GAREM1: variants seen among roughly 807,000 people sequenced by gnomAD.
GAREM1 encodes the protein GRB2 associated regulator of MAPK1 subtype 1.
In GAREM1, 26 loss-of-function variants were observed where a neutral mutation model predicts 71.3. The ratio of observed to expected loss-of-function variants is 0.36; its 90% confidence interval spans 0.27 to 0.51. The LOEUF is 0.51. Ranked by LOEUF, GAREM1 falls within the 20% of genes least tolerant of loss-of-function variation. GAREM1 has a pLI of 0.95. For synonymous variants in GAREM1, 440 were observed against 433.2 expected (o/e 1.02, Z -0.20); for missense variants, 1,026 against 1,103.1 (o/e 0.93, Z 0.99).
chr18:32,304,997 T>C (rs554122325), intron 3 of GAREM1, among the ~76,000 whole-genome samples: 18 of 151,874 alleles, frequency 1.2e-4, no homozygotes, highest in Non-Finnish European at 2.5e-4. Flanking sequence ...AGAAGAAACA[T>C]GGTTGATGAA....
chr18:32,464,010 G>A (rs2048976356), intron 1 of GAREM1, among the ~76,000 whole-genome samples: 1 of 150,386 alleles, frequency 6.6e-6, no homozygotes, highest in African/African-American at 2.4e-5. Flanking sequence ...AAAAAAGGCT[G>A]GGCGTGGTGG....
intron 5 of GAREM1, among the ~76,000 whole-genome samples, chr18:32,269,431 G>A (rs1425411038): frequency 6.6e-6 from 1 of 152,238 alleles, no homozygotes; most frequent in Non-Finnish European, 1.5e-5. Flanking sequence ...TGAAACTAGA[G>A]TGTGCTCAAA....
chr18:32,324,200 G>T (rs891069936), intron 2 of GAREM1, among the ~76,000 whole-genome samples: 1 of 152,158 alleles, frequency 6.6e-6, no homozygotes, highest in Non-Finnish European at 1.5e-5. Flanking sequence ...CAGTACTATG[G>T]TGCTTATGCT....
chr18:32,468,229 T>A (rs971077507), intron 1 of GAREM1, among the ~76,000 whole-genome samples: 6 of 152,232 alleles, frequency 3.9e-5, no homozygotes, highest in South Asian at 2.1e-4. Context: ...ATTCATTACA[T>A]CACAATTTTT....
At chr18:32,453,490 T>C (rs1256873063) in intron 1 of GAREM1, among the ~76,000 whole-genome samples, 1 of 152,254 alleles carries the variant, frequency 6.6e-6, no homozygotes, top group South Asian at 2.1e-4. Flanking sequence ...AGAGATTCTG[T>C]TCCCTGCCTC....
chr18:32,423,699 C>T (rs1381376465), intron 1 of GAREM1, among the ~76,000 whole-genome samples: 1 of 152,166 alleles, frequency 6.6e-6, no homozygotes, highest in South Asian at 2.1e-4. Context: ...GTCAGTGAGG[C>T]GCAGAATCTT....
At chr18:32,320,594 C>T (rs1285535436) in intron 2 of GAREM1, among the ~76,000 whole-genome samples, 1 of 152,120 alleles carries the variant, frequency 6.6e-6, no homozygotes, top group Admixed American at 6.5e-5. Context: ...TAATGAACTG[C>T]ACCATAGATA....
chr18:32,392,037 A>G (rs1253787525), intron 2 of GAREM1, among the ~76,000 whole-genome samples: 1 of 152,146 alleles, frequency 6.6e-6, no homozygotes, highest in Non-Finnish European at 1.5e-5. Context: ...GTGCATTGTA[A>G]AGGGGTTATT....
At chr18:32,463,575 T>C (rs1351242518) in intron 1 of GAREM1, among the ~76,000 whole-genome samples, 1 of 151,004 alleles carries the variant, frequency 6.6e-6, no homozygotes, top group Non-Finnish European at 1.5e-5. Context: ...TCACTTTTTT[T>C]TTTTTTTTTT....
chr18:32,342,188 T>C (rs978391690), intron 2 of GAREM1, among the ~76,000 whole-genome samples: 2 of 152,148 alleles, frequency 1.3e-5, no homozygotes, highest in African/African-American at 4.8e-5. Flanking sequence ...ATCTTCACTT[T>C]ACACATGAAG....
intron 2 of GAREM1, among the ~76,000 whole-genome samples, chr18:32,334,222 A>T (rs595794): frequency 0.095 from 14,452 of 152,190 alleles, 713 homozygotes; most frequent in South Asian, 0.13. Flanking sequence ...TAGAAGACTT[A>T]ATCACACCCC....
intron 2 of GAREM1, among the ~76,000 whole-genome samples, chr18:32,356,386 C>T (rs899825627): frequency 7.2e-5 from 11 of 152,134 alleles, no homozygotes; most frequent in African/African-American, 2.4e-4. Context: ...TTTTGACTTT[C>T]GCTATCACAA....
rs1351705503 is a variant in GAREM1 at position 32,265,615 on chromosome 18, C to G, written c.*2256G>C. 6.6e-6 allele frequency: 1 copy of G among 152,038 alleles called. No homozygotes were observed. Among genetic ancestry groups the G allele is most frequent in the Non-Finnish European group, 1.5e-5 (1 of 68,024 alleles). The allele number at this position is 152,038 out of a possible 1,614,324, so 9.4% of individuals were successfully genotyped here. On this transcript the variant is annotated 3_prime_UTR_variant, in exon 6 of 6. Transcript: ENST00000269209. Reference sequence around the variant, plus strand: ...TGCCCTCAAGGAGTCTCTGCGTTGCCAATCAATATAAACTTGACAAAAATA... The same window carrying G: ...TGCCCTCAAGGAGTCTCTGCGTTGCGAATCAATATAAACTTGACAAAAATA...
intron 1 of GAREM1, among the ~76,000 whole-genome samples, chr18:32,462,315 A>G (rs1430112371): frequency 2.0e-5 from 3 of 152,318 alleles, no homozygotes; most frequent in South Asian, 2.1e-4. Context: ...CATTCTATCT[A>G]GAGTAACATC....
At chr18:32,286,161 G>A (rs1357196199) in intron 4 of GAREM1, among the ~76,000 whole-genome samples, 1 of 152,136 alleles carries the variant, frequency 6.6e-6, no homozygotes, top group Non-Finnish European at 1.5e-5. Context: ...AGTAGCAAAG[G>A]TTCAGAGTGG....
chr18:32,420,985 CA>C (rs2048515002), intron 1 of GAREM1, among the ~76,000 whole-genome samples: 1 of 152,052 alleles, frequency 6.6e-6, no homozygotes, highest in Non-Finnish European at 1.5e-5. Context: ...TAAATATACC[CA>C]GGGAGATTCA....
intron 1 of GAREM1, among the ~76,000 whole-genome samples, chr18:32,411,107 C>T (rs10853420): frequency 0.1 from 15,229 of 152,226 alleles, 955 homozygotes; most frequent in African/African-American, 0.18. Flanking sequence ...CTGGTGACTT[C>T]GGTTTTATTT....
chr18:32,411,938 T>C (rs184187497), intron 1 of GAREM1, among the ~76,000 whole-genome samples: 11 of 151,622 alleles, frequency 7.3e-5, no homozygotes, highest in Admixed American at 5.3e-4. Flanking sequence ...ATCAACAGCA[T>C]GGGTGCAAAA....
chr18:32,305,712 G>A lies in GAREM1; in HGVS notation c.393+4481C>T, dbSNP rs191582261. The stretch of plus-strand genomic sequence containing the variant: ...TTTTTATATTTTTAGTACAGACGGG[G>A]TTTCGCCACATTGGCCAGGCAGGTC... On this transcript the variant is annotated intron_variant, in intron 3 of 5. Coordinates refer to ENST00000269209, the MANE Select transcript of GAREM1 (RefSeq NM_001242409.2). 6.9e-4 allele frequency among the ~76,000 whole-genome samples: 105 copies of A among 152,260 alleles called. 1 individual carries two copies. Among genetic ancestry groups the A allele is most frequent in the African/African-American group, 2.5e-3 (104 of 41,552 alleles).
Sources: allele counts gnomAD v4.1 joint callset (sites outside exome capture counted in the v4.1 genomes callset), GRCh38; gene constraint gnomAD v4.1.1; transcripts MANE v1.5; gene names NCBI Gene and HGNC (gene_info 2026-07-23, HGNC 2026-07-21).